The following PDLIM7 variants were observed in gnomAD, a reference collection of about 807,000 sequenced individuals.
PDLIM7 encodes the protein PDZ and LIM domain protein 7.
PDLIM7 carries 37 observed loss-of-function variants against 53.9 expected under a neutral mutation model. The ratio of observed to expected loss-of-function variants is 0.69; its 90% CI spans 0.53 to 0.90. PDLIM7 has a LOEUF of 0.90. Ranked by LOEUF, PDLIM7 falls within the 40% of genes least tolerant of loss-of-function variation. PDLIM7 has a pLI of 0.00. For synonymous variants in PDLIM7, 300 were observed against 261.3 expected, an observed-to-expected ratio of 1.15 and a Z score of -1.43; for missense variants, 617 against 638.5, an observed-to-expected ratio of 0.97 and a Z score of 0.36.
chr5:177,492,202 A>G, intron 4 of PDLIM7: 1 of 662,920 alleles, frequency 1.5e-6, no homozygotes, highest in Non-Finnish European at 2.5e-6. Flanking sequence ...AGACAGGCGG[A>G]CAGACAGGCG....
intron 2 of PDLIM7, among the ~76,000 whole-genome samples, chr5:177,495,649 G>T (rs1222755010): frequency 6.6e-6 from 1 of 152,228 alleles, no homozygotes; most frequent in African/African-American, 2.4e-5. Context: ...TCTGCAGACC[G>T]CAGCCACTGT....
chr5:177,493,644 C>A (rs1471613428), intron 2 of PDLIM7, among the ~76,000 whole-genome samples: 1 of 152,214 alleles, frequency 6.6e-6, no homozygotes, highest in African/African-American at 2.4e-5. Context: ...ATCTCCCAGG[C>A]CCTGAGAGGG....
chr5:177,492,098 C>T, intron 4 of PDLIM7, 173 bp from the exon 5 acceptor site: 1 of 496,496 alleles, frequency 2.0e-6, no homozygotes, highest in Non-Finnish European at 3.5e-6. Context: ...TCAAGGGGCC[C>T]ATTTGGGAGT....
intron 7 of PDLIM7, chr5:177,490,051 T>A (rs1253297764): frequency 6.5e-7 from 1 of 1,532,040 alleles, no homozygotes. Flanking sequence ...GAGGCAGGGC[T>A]CCCGCTTCTG....
chr5:177,483,686 C>A lies in PDLIM7; in HGVS notation c.1332G>T (p.Lys444Asn), dbSNP rs1453898093. The part of the protein sequence containing the change: ...NLEGKTFYSK[K>N]DRPLCKSHAF... The stretch of plus-strand genomic sequence containing the variant: ...CATGGCTCTTGCAGAGAGGCCTGTC[C>A]TTCTTGGAGTAGAAGGTCTTTCCTT... Residue 444 changes from lysine (K) to asparagine (N), a missense_variant, in exon 13 of 13, where the codon AAG becomes AAT. Physicochemically the swap from Lys to Asn is moderately conservative, Grantham distance 94 (BLOSUM62 0). Coordinates refer to ENST00000355841, the MANE Select transcript of PDLIM7 (RefSeq NM_005451.5). 2 of 1,613,370 alleles carry A rather than the reference C, an allele frequency of 1.2e-6. No individual in the cohort carries two copies. The highest frequency in any genetic ancestry group is 4.5e-5 in the East Asian group (2 of 44,834).
Position 177,490,383 on chromosome 5 carries a change from G to A in PDLIM7, c.572+487C>T, listed in dbSNP as rs151271239. 98 of 1,480,076 alleles carry A rather than the reference G, an allele frequency of 6.6e-5. No homozygotes were observed. In the African/African-American group the frequency reaches 1.1e-3, roughly 16 times the overall value. 91.7% of individuals were successfully genotyped at this position (1,480,076 alleles called of 1,614,324 possible). A position where few individuals can be genotyped will look rare whatever the true frequency, so the allele number is the denominator to read the frequency against. On this transcript the variant is annotated intron_variant, in intron 7 of 12. Coordinates refer to ENST00000355841, the MANE Select transcript of PDLIM7 (RefSeq NM_005451.5). ...CCAGGCCAGCAGGAGGCTCAGGCCA[G>A]GGGCACGAAAGGGGGGGTGAGGTAG... is the stretch of plus-strand genomic sequence containing the variant.
chr5:177,487,922 G>A, intron 10 of PDLIM7, 146 bp downstream of exon 10: 3 of 643,108 alleles, frequency 4.7e-6, no homozygotes, highest in South Asian at 2.5e-5. Context: ...CTAATGCAGG[G>A]TGAGGCCAGT....
chr5:177,490,546 C>T lies in PDLIM7; in HGVS notation c.572+324G>A, dbSNP rs760739694. ...GGCAGAGCGCTGGTGGTGCCAGTCC[C>T]GGAGGCGGGTGTAGCGTGGGCTCTG... On this transcript the variant is annotated intron_variant, in intron 7 of 12. Coordinates refer to ENST00000355841, the MANE Select transcript of PDLIM7 (RefSeq NM_005451.5). 77 of 1,565,638 alleles carry T rather than the reference C, an allele frequency of 4.9e-5. No homozygotes were observed. In the Admixed American group the frequency reaches 1.0e-3, roughly 21 times the overall value.
intron 10 of PDLIM7, among the ~76,000 whole-genome samples, chr5:177,486,699 C>T (rs569194694): frequency 2.8e-4 from 43 of 152,202 alleles, no homozygotes; most frequent in East Asian, 7.7e-4. Context: ...AGTGCAGTGG[C>T]GCGATCTCGG....
At chr5:177,485,191 C>T (rs1457239753) in intron 10 of PDLIM7, among the ~76,000 whole-genome samples, 1 of 152,240 alleles carries the variant, frequency 6.6e-6, no homozygotes, top group Admixed American at 6.5e-5. Context: ...ATGTAAGGCC[C>T]AGAAGGGCAG....
rs199591483 is a variant in PDLIM7, at chr5:177,484,158, G to T, written c.1083C>A (p.His361Gln). Residue 361 changes from histidine (H) to glutamine (Q), a missense_variant, in exon 11 of 13, where the codon CAC becomes CAA. By Grantham distance (24) the His-to-Gln change is conservative. Transcript: ENST00000355841. The stretch of plus-strand genomic sequence containing the variant: ...AGGCAGCACAGGTAAAGCAGTGCAC[G>T]TGCCAGGTCATCTTCAGGGCGTGCA... Reference protein sequence around the residue: ...EIMHALKMTWHVHCFTCAACK... With the variant: ...EIMHALKMTWQVHCFTCAACK... 6 of 1,613,744 alleles carry T rather than the reference G, an allele frequency of 3.7e-6. No homozygotes were observed. Among genetic ancestry groups the T allele is most frequent in the African/African-American group, 1.3e-5 (1 of 74,912 alleles).
At chr5:177,489,888 C>A (rs775270775) in intron 7 of PDLIM7, 56 bp from the exon 8 acceptor site, 4 of 1,546,944 alleles carry the variant, frequency 2.6e-6, no homozygotes, top group South Asian at 2.4e-5. Flanking sequence ...CATGGCCCCA[C>A]CCCCCAACCT....
Position 177,492,587 on chromosome 5 carries a change from G to A in PDLIM7, c.187C>T (p.His63Tyr), listed in dbSNP as rs772490458. Residue 63 changes from histidine to tyrosine, a missense_variant, in exon 3 of 13, where the codon CAC becomes TAC. Physicochemically the swap from His to Tyr is moderately conservative, Grantham distance 83. Coordinates refer to ENST00000355841, the MANE Select transcript of PDLIM7 (RefSeq NM_005451.5). ...CGGATCTTGTTCTGAGCTTCGATGT[G>A]TGTGAGGCTACCCGCATTCTCGCCA... Reference protein sequence around the residue: ...IDGENAGSLTHIEAQNKIRAC... With the variant: ...IDGENAGSLTYIEAQNKIRAC... 1.2e-6 allele frequency: 2 copies of A among 1,613,736 alleles called. No individual in the cohort carries two copies. The highest frequency in any genetic ancestry group is 8.5e-7 in the Non-Finnish European group (1 of 1,180,008).
rs776328008 is a variant in PDLIM7 at position 177,488,165 on chromosome 5, C to T, written c.953G>A (p.Gly318Asp). ...GGCGCCCTTCTCCTCAAAGAAGCCA[C>T]CCTCTTCCAGGACCTTCCCACACTG... ...CSQCGKVLEE[G>D]GFFEEKGAIF... The change falls in exon 10 of 13, where the codon GGT becomes GAT. Residue 318 changes from glycine to aspartate, a missense_variant. Transcript: ENST00000355841. 3.7e-6 allele frequency: 6 copies of T among 1,613,536 alleles called. No individual in the cohort carries two copies. The South Asian group carries it at 5.5e-5, about 15-fold the overall frequency.
At position 177,489,613 on chromosome 5, in the gene PDLIM7, T is replaced by G. The variant is rs921927048; in HGVS notation, c.649A>C (p.Ser217Arg). The change falls in exon 9 of 13, where the codon AGC (serine) becomes CGC (arginine). Residue 217 changes from serine (S) to arginine (R), a missense_variant. Coordinates refer to ENST00000355841, the MANE Select transcript of PDLIM7 (RefSeq NM_005451.5). ...GCCCAGGGCGGGCGGCTGGTAGGGC[T>G]GGGGGCGGTAGGGCCTGCCGGGGAA... is the stretch of plus-strand genomic sequence containing the variant. ...QEPWPGPTAP[S>R]PTSRPPWAVD... The G allele has an allele frequency of 6.2e-7, 1 of 1,600,142 alleles. No homozygotes were observed. The highest frequency in any genetic ancestry group is 1.7e-5 in the Admixed American group (1 of 58,888).
At chr5:177,486,716 G>GC in intron 10 of PDLIM7, among the ~76,000 whole-genome samples, 1 of 152,164 alleles carries the variant, frequency 6.6e-6, no homozygotes, top group East Asian at 1.9e-4. Context: ...TCGGCTCACT[G>GC]CAAGCTCTGC....
Position 177,492,638 on chromosome 5 carries a change from C to A in PDLIM7, c.136G>T (p.Val46Leu). The A allele has an allele frequency of 6.2e-7, 1 of 1,608,788 alleles. No homozygotes were observed. The highest frequency in any genetic ancestry group is 1.3e-5 in the African/African-American group (1 of 75,060). Residue 46 changes from valine (V) to leucine (L), a missense_variant, in exon 3 of 13, where the codon GTG becomes TTG. Transcript: ENST00000355841. The stretch of plus-strand genomic sequence containing the variant: ...TCGATGCTCAGCACCCAGTCACCCA[C>A]GGCCACTCCGGCCTGCGCCGCTTTG... ...GGKAAQAGVA[V>L]GDWVLSIDGE... is the part of the protein sequence containing the mutation.
intron 2 of PDLIM7, among the ~76,000 whole-genome samples, chr5:177,494,699 G>A (rs1389521919): frequency 2.0e-5 from 3 of 152,184 alleles, no homozygotes; most frequent in Non-Finnish European, 4.4e-5. Flanking sequence ...GAGGCAGGGA[G>A]GGGCTCAAGC....
At chr5:177,497,087 T>C (rs1191739498) in intron 1 of PDLIM7, among the ~76,000 whole-genome samples, 5 of 142,064 alleles carry the variant, frequency 3.5e-5, no homozygotes, top group African/African-American at 2.6e-5. Flanking sequence ...CCGGGACCAG[T>C]CGAGGCTGCT....
Sources: allele counts gnomAD v4.1 joint callset (sites outside exome capture counted in the v4.1 genomes callset), GRCh38; gene constraint gnomAD v4.1.1; transcripts MANE v1.5; gene names NCBI Gene and HGNC (gene_info 2026-07-23, HGNC 2026-07-21).